ADGRB3: variants seen among roughly 807,000 people sequenced by gnomAD.
The protein encoded by ADGRB3 is brain-specific angiogenesis inhibitor 3.
A neutral mutation model predicts 193.4 loss-of-function variants in ADGRB3; 37 were observed. The ratio of observed to expected loss-of-function variants is 0.19; its 90% CI spans 0.15 to 0.25. The LOEUF (loss-of-function observed/expected upper bound fraction) is 0.25, where lower values mean the gene tolerates loss of function less well. Ranked by LOEUF, ADGRB3 falls within the 10% of genes least tolerant of loss-of-function variation. ADGRB3 has a pLI of 1.00. For synonymous variants in ADGRB3, 690 were observed against 644.2 expected (o/e 1.07, Z -1.08); for missense variants, 1,637 against 1,852.9 (o/e 0.88, Z 2.14).
intron 17 of ADGRB3, among the ~76,000 whole-genome samples, chr6:69,085,063 A>AGT (rs2150315636): frequency 6.6e-6 from 1 of 152,216 alleles, no homozygotes; most frequent in South Asian, 2.1e-4. Context: ...GAATTTCCAG[A>AGT]GTGTAAAGGA....
At chr6:68,821,584 C>A (rs565411778) in intron 3 of ADGRB3, among the ~76,000 whole-genome samples, 38 of 150,464 alleles carry the variant, frequency 2.5e-4, no homozygotes, top group African/African-American at 8.8e-4. Flanking sequence ...TTATTTGTTT[C>A]TATAAAAAAA....
At chr6:68,880,172 G>C (rs983947893) in intron 3 of ADGRB3, among the ~76,000 whole-genome samples, 6 of 152,280 alleles carry the variant, frequency 3.9e-5, no homozygotes, top group African/African-American at 1.4e-4. Flanking sequence ...TGGGATAAGG[G>C]GAGTGTACTG....
chr6:69,233,549 T>A, intron 18 of ADGRB3, 133 bp downstream of exon 18: 1 of 1,152,790 alleles, frequency 8.7e-7, no homozygotes, highest in Non-Finnish European at 1.2e-6. Context: ...CGTCTCCTCC[T>A]TAGCTATAGT....
intron 3 of ADGRB3, among the ~76,000 whole-genome samples, chr6:68,834,880 C>T (rs914689696): frequency 2.0e-5 from 3 of 151,826 alleles, no homozygotes; most frequent in Non-Finnish European, 4.4e-5. Context: ...GGTCAGACCC[C>T]AAGCCTTTAA....
intron 13 of ADGRB3, 54 bp downstream of exon 13, chr6:69,018,553 G>A: frequency 4.3e-6 from 5 of 1,160,682 alleles, no homozygotes; most frequent in Non-Finnish European, 6.4e-6. Flanking sequence ...AAAATTGCAA[G>A]TATCTACACC....
At chr6:69,119,052 C>T (rs951364074) in intron 17 of ADGRB3, among the ~76,000 whole-genome samples, 7 of 152,158 alleles carry the variant, frequency 4.6e-5, no homozygotes, top group African/African-American at 1.7e-4. Context: ...ACAGATTTCT[C>T]AAAGCTGACA....
chr6:68,930,775 T>C (rs1284765455), intron 4 of ADGRB3, 106 bp downstream of exon 4: 1 of 899,954 alleles, frequency 1.1e-6, no homozygotes, highest in Non-Finnish European at 1.6e-6. Flanking sequence ...GGAGCTGATA[T>C]TTTTTCGAGC....
At chr6:68,902,005 G>A (rs1462867138) in intron 3 of ADGRB3, among the ~76,000 whole-genome samples, 1 of 151,980 alleles carries the variant, frequency 6.6e-6, no homozygotes, top group Non-Finnish European at 1.5e-5. Flanking sequence ...AAATGAATTT[G>A]TGTTAAGAAC....
chr6:68,691,154 A>T (rs1765065647), intron 3 of ADGRB3, among the ~76,000 whole-genome samples: 1 of 152,128 alleles, frequency 6.6e-6, no homozygotes, highest in Non-Finnish European at 1.5e-5. Context: ...GTTCTAGGGG[A>T]ATCAGTTGAA....
At chr6:68,892,841 G>A (rs1459543111) in intron 3 of ADGRB3, among the ~76,000 whole-genome samples, 1 of 152,098 alleles carries the variant, frequency 6.6e-6, no homozygotes, top group Non-Finnish European at 1.5e-5. Flanking sequence ...AACTGAAATA[G>A]TATCAGTTGA....
At chr6:69,117,689 G>T (rs1053823015) in intron 17 of ADGRB3, among the ~76,000 whole-genome samples, 1 of 152,104 alleles carries the variant, frequency 6.6e-6, no homozygotes, top group African/African-American at 2.4e-5. Flanking sequence ...AAGGCACCAG[G>T]CTCTAAACCC....
chr6:69,367,809 G>A (rs1038593312), intron 29 of ADGRB3, among the ~76,000 whole-genome samples: 3 of 151,968 alleles, frequency 2.0e-5, no homozygotes, highest in Non-Finnish European at 2.9e-5. Flanking sequence ...GGAATACTAT[G>A]AGGCCATAAA....
At chr6:68,906,508 C>G (rs888561290) in intron 3 of ADGRB3, among the ~76,000 whole-genome samples, 1 of 151,792 alleles carries the variant, frequency 6.6e-6, no homozygotes, top group East Asian at 1.9e-4. Flanking sequence ...AAAAAGTAGA[C>G]TTACTGGGTC....
At chr6:69,218,592 C>A (rs1765823244) in intron 17 of ADGRB3, among the ~76,000 whole-genome samples, 5 of 152,142 alleles carry the variant, frequency 3.3e-5, no homozygotes, top group Admixed American at 1.3e-4. Context: ...CTGTAATATA[C>A]CCAGCAGACT....
intron 17 of ADGRB3, among the ~76,000 whole-genome samples, chr6:69,131,948 A>C (rs1774023863): frequency 6.6e-6 from 1 of 152,168 alleles, no homozygotes; most frequent in Non-Finnish European, 1.5e-5. Flanking sequence ...CCTGCAAAGG[A>C]CATGAACTCA....
In ADGRB3 at chr6:68,639,226, G is replaced by T; in HGVS notation, c.551G>T (p.Gly184Val). 6.2e-7 allele frequency: 1 copy of T among 1,614,128 alleles called. No homozygotes were observed. The highest frequency in any genetic ancestry group is 8.5e-7 in the Non-Finnish European group (1 of 1,179,990). The part of the protein sequence containing the change: ...WLESCLKSEN[G>V]RTESCGIMYT... ...GAGAGCTGCTTAAAATCAGAAAATG[G>T]GAGAACAGAATCATGTGGGATCATG... Residue 184 changes from glycine to valine, a missense_variant, in exon 3 of 32, where the codon GGG (glycine) becomes GTG (valine). Physicochemically the swap from Gly to Val is moderately radical, Grantham distance 109. Transcript: ENST00000370598.
chr6:69,132,331 A>G (rs1774033573), intron 17 of ADGRB3, among the ~76,000 whole-genome samples: 1 of 152,124 alleles, frequency 6.6e-6, no homozygotes, highest in African/African-American at 2.4e-5. Context: ...CTGGCATGAG[A>G]TAGTATCTCA....
intron 3 of ADGRB3, among the ~76,000 whole-genome samples, chr6:68,898,860 C>T (rs933695828): frequency 1.3e-5 from 2 of 152,104 alleles, no homozygotes; most frequent in Non-Finnish European, 2.9e-5. Context: ...AAATACATGA[C>T]TAGTGCACCT....
chr6:68,750,555 A>G (rs565263857), intron 3 of ADGRB3, among the ~76,000 whole-genome samples: 4 of 152,272 alleles, frequency 2.6e-5, no homozygotes, highest in Admixed American at 2.6e-4. Flanking sequence ...TTAAATTTTA[A>G]TTTTATTTTT....
Sources: gnomAD v4.1 joint callset for allele counts (sites outside exome capture counted in the v4.1 genomes callset) on GRCh38, gnomAD v4.1.1 for gene constraint, MANE v1.5 for transcripts, NCBI Gene and HGNC (gene_info 2026-07-23, HGNC 2026-07-21) for gene names.